Variants in TULP4 observed in about 807,000 individuals in gnomAD.
The protein encoded by TULP4 is tubby-related protein 4.
TULP4 carries 16 observed loss-of-function variants against 129.0 expected under a neutral mutation model. That is an observed-to-expected ratio of 0.12 (90% CI 0.08 to 0.19). The LOEUF (loss-of-function observed/expected upper bound fraction) is 0.19. TULP4 is among the 10% of genes least tolerant of loss of function. The pLI, the probability that TULP4 is intolerant of heterozygous loss-of-function variation, is 1.00. For synonymous variants in TULP4, 998 were observed against 854.0 expected (o/e 1.17, Z -2.94); for missense variants, 1,842 against 2,059.1 (o/e 0.89, Z 2.04).
chr6:158,441,773 CCA>C (rs142020291), intron 3 of TULP4, among the ~76,000 whole-genome samples: 1,567 of 152,180 alleles, frequency 0.01, 12 homozygotes, highest in Non-Finnish European at 0.017. Flanking sequence ...TCTTCCCTTC[CCA>C]CACACACACC....
At chr6:158,394,963 G>A (rs1777671222) in intron 1 of TULP4, among the ~76,000 whole-genome samples, 1 of 151,978 alleles carries the variant, frequency 6.6e-6, no homozygotes, top group Non-Finnish European at 1.5e-5. Flanking sequence ...TTCTTCACAT[G>A]GTGGTAGAAG....
intron 1 of TULP4, among the ~76,000 whole-genome samples, chr6:158,362,663 T>C (rs1257350137): frequency 6.6e-6 from 1 of 152,214 alleles, no homozygotes; most frequent in Non-Finnish European, 1.5e-5. Flanking sequence ...GGGATTTTCA[T>C]AATTATATTT....
chr6:158,443,735 T>TTA (rs1378668953), intron 3 of TULP4, among the ~76,000 whole-genome samples: 1 of 152,106 alleles, frequency 6.6e-6, no homozygotes, highest in African/African-American at 2.4e-5. Flanking sequence ...GGAGTGATTG[T>TTA]TATAGTCAAC....
At chr6:158,250,972 T>C (rs1250942782) in intron 1 of TULP4, among the ~76,000 whole-genome samples, 1 of 152,138 alleles carries the variant, frequency 6.6e-6, no homozygotes, top group Non-Finnish European at 1.5e-5. Flanking sequence ...TTTCACTAGA[T>C]TGTTAATGAC....
chr6:158,238,386 G>A (rs1777763440), intron 1 of TULP4: 3 of 613,760 alleles, frequency 4.9e-6, no homozygotes, highest in Middle Eastern at 7.3e-4. Flanking sequence ...CCTGGTTTGT[G>A]TACATAGCAA....
intron 9 of TULP4, among the ~76,000 whole-genome samples, chr6:158,492,348 G>A (rs1780235360): frequency 1.3e-5 from 2 of 152,090 alleles, no homozygotes; most frequent in Admixed American, 1.3e-4. Flanking sequence ...TCATGCTTAT[G>A]GATTAATTTT....
intron 1 of TULP4, among the ~76,000 whole-genome samples, chr6:158,381,348 A>C (rs989076301): frequency 6.6e-6 from 1 of 152,178 alleles, no homozygotes; most frequent in Non-Finnish European, 1.5e-5. Context: ...AAAGACTCCA[A>C]ACAGGGCTGG....
intron 3 of TULP4, among the ~76,000 whole-genome samples, chr6:158,435,203 A>C (rs1281115267): frequency 6.6e-6 from 1 of 152,088 alleles, no homozygotes; most frequent in African/African-American, 2.4e-5. Context: ...ATTTCCCCCC[A>C]CAGTCAGGGT....
intron 2 of TULP4, among the ~76,000 whole-genome samples, chr6:158,417,910 G>A (rs1778247287): frequency 6.6e-6 from 1 of 152,068 alleles, no homozygotes; most frequent in Admixed American, 6.6e-5. Context: ...GTCACCAGGG[G>A]CGGCTGTACC....
chr6:158,490,582 C>G (rs1013344555), intron 9 of TULP4, among the ~76,000 whole-genome samples: 2 of 152,120 alleles, frequency 1.3e-5, no homozygotes, highest in African/African-American at 4.8e-5. Context: ...ATCGTAAACA[C>G]CTAGCTCATT....
At chr6:158,504,270 G>T in intron 13 of TULP4, 92 bp downstream of exon 13, 1 of 1,048,700 alleles carries the variant, frequency 9.5e-7, no homozygotes, top group East Asian at 2.6e-5. Context: ...AGGCCAAATG[G>T]GAAATGTGGA....
At chr6:158,393,132 A>G (rs547389148) in intron 1 of TULP4, among the ~76,000 whole-genome samples, 37 of 152,340 alleles carry the variant, frequency 2.4e-4, no homozygotes, top group Non-Finnish European at 3.5e-4. Flanking sequence ...AACCCAGCAG[A>G]ACAGCCATTA....
chr6:158,232,809 C>T (rs1051873501), intron 1 of TULP4, among the ~76,000 whole-genome samples: 2 of 152,210 alleles, frequency 1.3e-5, no homozygotes, highest in African/African-American at 2.4e-5. Context: ...ACCAGTCTCC[C>T]CAGCCCGCCT....
At chr6:158,394,520 A>C (rs1777659941) in intron 1 of TULP4, among the ~76,000 whole-genome samples, 1 of 152,096 alleles carries the variant, frequency 6.6e-6, no homozygotes, top group African/African-American at 2.4e-5. Flanking sequence ...GCGGTGGCTC[A>C]CACCTGTAAT....
intron 6 of TULP4, among the ~76,000 whole-genome samples, chr6:158,468,767 G>C (rs975321340): frequency 2.0e-5 from 3 of 152,200 alleles, no homozygotes; most frequent in African/African-American, 7.2e-5. Context: ...GGAAGTCCAA[G>C]ATCCAGGCAC....
intron 1 of TULP4, among the ~76,000 whole-genome samples, chr6:158,343,085 C>A (rs1330524337): frequency 6.6e-6 from 1 of 151,782 alleles, no homozygotes; most frequent in Admixed American, 6.6e-5. Flanking sequence ...CCTGTGATGG[C>A]GTGTTCAGGG....
chr6:158,354,257 A>G (rs1376789767), intron 1 of TULP4, among the ~76,000 whole-genome samples: 1 of 152,194 alleles, frequency 6.6e-6, no homozygotes, highest in Non-Finnish European at 1.5e-5. Context: ...GGAGTGAACT[A>G]ATAAGGATAG....
At chr6:158,285,715 TG>T (rs1778823585) in intron 1 of TULP4, among the ~76,000 whole-genome samples, 2 of 152,256 alleles carry the variant, frequency 1.3e-5, no homozygotes, top group African/African-American at 4.8e-5. Flanking sequence ...TTTGTTCCCC[TG>T]TCGCCCTGCC....
At chr6:158,402,191 C>T (rs1318440699) in intron 1 of TULP4, among the ~76,000 whole-genome samples, 1 of 152,208 alleles carries the variant, frequency 6.6e-6, no homozygotes, top group African/African-American at 2.4e-5. Context: ...TCTTCCTTTA[C>T]TCACCATAGG....
Sources: gnomAD v4.1 joint callset for allele counts (sites outside exome capture counted in the v4.1 genomes callset) on GRCh38, gnomAD v4.1.1 for gene constraint, MANE v1.5 for transcripts, NCBI Gene and HGNC (gene_info 2026-07-23, HGNC 2026-07-21) for gene names.